IL1F10: variants seen among roughly 807,000 people sequenced by gnomAD.
The protein encoded by IL1F10 is interleukin-1 family member 10.
A neutral mutation model predicts 13.1 loss-of-function variants in IL1F10; 13 were observed. That is an observed-to-expected ratio of 0.99 (90% CI 0.64 to 1.57). The LOEUF is 1.57. IL1F10 is among the 40% of genes most tolerant of loss of function. The probability of loss-of-function intolerance (pLI) is 0.00; values close to 1 mark genes in which losing one functional copy is unlikely to be tolerated. For synonymous variants in IL1F10, 78 were observed against 68.2 expected (o/e 1.14, Z -0.71); for missense variants, 191 against 184.1 (o/e 1.04, Z -0.22).
In IL1F10 at chr2:113,074,835, T is replaced by C; in HGVS notation, c.231T>C (p.Pro77=). 2 of 1,612,346 alleles carry C rather than the reference T, an allele frequency of 1.2e-6. No individual in the cohort carries two copies. Among genetic ancestry groups the C allele is most frequent in the Non-Finnish European group, 1.7e-6 (2 of 1,179,902 alleles). Residue 77 remains proline (P), a synonymous_variant, in exon 4 of 5, where the codon CCT becomes CCC. Transcript: ENST00000341010. ...CLACVETEEG[P]SLQLEDVNIE... is the part of the protein sequence containing the mutation. ...CATGTGTGGAGACAGAAGAGGGGCC[T>C]TCCCTACAGCTGGAGGTGAGAGGCC...
chr2:113,069,168 G>T (rs192542144), intron 1 of IL1F10, among the ~76,000 whole-genome samples: 1 of 152,336 alleles, frequency 6.6e-6, no homozygotes, highest in Admixed American at 6.5e-5. Flanking sequence ...GAGAAGATAA[G>T]AAAGGAATTA....
rs201986456 is a variant in IL1F10 at position 113,074,321 on chromosome 2, T to G, written c.33-8T>G. The G allele has an allele frequency of 6.3e-7, 1 of 1,593,578 alleles. No homozygotes were observed. The highest frequency in any genetic ancestry group is 1.1e-5 in the South Asian group (1 of 90,578). ...GAATGGGCCATCAGCACTGTCATACTGTTTCAGAATTAAATATGCAGACCA... is the reference window on the plus strand; with the variant it reads ...GAATGGGCCATCAGCACTGTCATACGGTTTCAGAATTAAATATGCAGACCA... On this transcript the variant is annotated splice_region_variant and splice_polypyrimidine_tract_variant and intron_variant, in intron 2 of 4. Transcript: ENST00000341010.
At chr2:113,072,339 C>A in intron 1 of IL1F10, 1 of 169,290 alleles carries the variant, frequency 5.9e-6, no homozygotes, top group Non-Finnish European at 1.3e-5. Context: ...TGGGTTTGAG[C>A]TGGGCTTATC....
rs1044242877 is a variant in IL1F10 at position 113,075,500 on chromosome 2, A to T, written c.*136A>T. 3.5e-6 allele frequency: 2 copies of T among 565,966 alleles called. No individual in the cohort carries two copies. Among genetic ancestry groups the T allele is most frequent in the Non-Finnish European group, 5.9e-6 (2 of 339,630 alleles). The allele number at this position is 565,966 out of a possible 1,614,324, so 35.1% of individuals were successfully genotyped here. On this transcript the variant is annotated 3_prime_UTR_variant, in exon 5 of 5. Coordinates refer to ENST00000341010, the MANE Select transcript of IL1F10 (RefSeq NM_173161.3). ...AAGATCTGTGCATATGTTACCATACATGTCCAAAGAGGTTTTGCAAATGTG... is the reference window on the plus strand; with the variant it reads ...AAGATCTGTGCATATGTTACCATACTTGTCCAAAGAGGTTTTGCAAATGTG...
rs143167366 is a variant in IL1F10 at position 113,075,325 on chromosome 2, C to T, written c.420C>T (p.Pro140=). Residue 140 remains proline, a synonymous_variant, in exon 5 of 5, where the codon CCC becomes CCT. Coordinates refer to ENST00000341010, the MANE Select transcript of IL1F10 (RefSeq NM_173161.3). The part of the protein sequence containing the change: ...QPVQLTKESE[P]SARTKFYFEQ... ...TACAGCTCACCAAGGAGAGTGAGCC[C>T]TCAGCCCGTACCAAGTTTTACTTTG... 61 of 1,596,536 alleles carry T rather than the reference C, an allele frequency of 3.8e-5. No individual in the cohort carries two copies. The highest frequency in any genetic ancestry group is 4.5e-5 in the East Asian group (2 of 44,354).
In IL1F10 at chr2:113,074,388, A is replaced by G; in HGVS notation, c.92A>G (p.Asp31Gly). ...YTRDGQLLVG[D>G]PVADNCCAEK... ...AGAGATGGCCAGCTGCTGGTGGGAG[A>G]TCCTGTTGCAGACAACTGCTGTGCA... is the stretch of plus-strand genomic sequence containing the variant. Residue 31 changes from aspartate to glycine, a missense_variant, in exon 3 of 5, where the codon GAT becomes GGT. Transcript: ENST00000341010. 1 of 1,613,822 alleles carries G rather than the reference A, an allele frequency of 6.2e-7. No homozygotes were observed. The highest frequency in any genetic ancestry group is 8.5e-7 in the Non-Finnish European group (1 of 1,179,794).
chr2:113,075,377 C>G lies in IL1F10; in HGVS notation c.*13C>G. 1.3e-6 allele frequency: 2 copies of G among 1,540,666 alleles called. No homozygotes were observed. Among genetic ancestry groups the G allele is most frequent in the Non-Finnish European group, 8.8e-7 (1 of 1,138,390 alleles). On this transcript the variant is annotated 3_prime_UTR_variant, in exon 5 of 5. Transcript: ENST00000341010. ...ACAGAGCTGGTAGGGAGACAGGAAA[C>G]TGCGTTTTAGCCTTGTGCCCCCAAA... is the stretch of plus-strand genomic sequence containing the variant.
intron 4 of IL1F10, 113 bp downstream of exon 4, chr2:113,074,963 T>G: frequency 1.5e-6 from 2 of 1,360,028 alleles, no homozygotes; most frequent in South Asian, 1.3e-5. Context: ...CATGTCCTAC[T>G]TCCTCAGGTT....
intron 2 of IL1F10, among the ~76,000 whole-genome samples, chr2:113,073,376 C>G (rs1263496244): frequency 1.3e-5 from 2 of 152,142 alleles, no homozygotes; most frequent in Admixed American, 1.3e-4. Context: ...TCCCATGGAC[C>G]CTGTAATGTC....
intron 4 of IL1F10, 90 bp from the exon 5 acceptor site, chr2:113,075,062 A>G (rs956141478): frequency 1.1e-5 from 14 of 1,318,486 alleles, no homozygotes; most frequent in East Asian, 2.3e-5. Flanking sequence ...CAGCCCTGTC[A>G]GGTCCTTTTT....
chr2:113,070,191 G>C (rs1050772194), intron 1 of IL1F10, among the ~76,000 whole-genome samples: 6 of 152,124 alleles, frequency 3.9e-5, no homozygotes, highest in Admixed American at 1.3e-4. Flanking sequence ...TGGGGGTGAG[G>C]CATGTGGCAC....
At chr2:113,074,065 C>T (rs1341079585) in intron 2 of IL1F10, among the ~76,000 whole-genome samples, 1 of 152,136 alleles carries the variant, frequency 6.6e-6, no homozygotes, top group Non-Finnish European at 1.5e-5. Flanking sequence ...ATTGGCTCTC[C>T]GTTCTCCTCT....
chr2:113,074,583 C>G, intron 3 of IL1F10, 140 bp from the exon 4 acceptor site: 1 of 1,197,050 alleles, frequency 8.4e-7, no homozygotes. Context: ...TGCAGAAGTC[C>G]TGGCTCACCG....
chr2:113,074,465 T>C (rs1685898254), intron 3 of IL1F10, 51 bp downstream of exon 3: 2 of 1,397,368 alleles, frequency 1.4e-6, no homozygotes, highest in Admixed American at 1.7e-5. Flanking sequence ...AGGCCCTCCC[T>C]TCTCTTCTTC....
chr2:113,072,877 C>G, intron 2 of IL1F10, 107 bp downstream of exon 2: 2 of 922,994 alleles, frequency 2.2e-6, no homozygotes, highest in Non-Finnish European at 3.4e-6. Context: ...TTAGAAATTG[C>G]AAGTGCCCCA....
intron 1 of IL1F10, among the ~76,000 whole-genome samples, chr2:113,071,578 G>T (rs1172671190): frequency 6.6e-6 from 1 of 152,184 alleles, no homozygotes; most frequent in African/African-American, 2.4e-5. Flanking sequence ...CCTGGGGACA[G>T]AAAATGACTT....
At chr2:113,072,987 T>G (rs1243818410) in intron 2 of IL1F10, among the ~76,000 whole-genome samples, 1 of 152,198 alleles carries the variant, frequency 6.6e-6, no homozygotes, top group Non-Finnish European at 1.5e-5. Flanking sequence ...AAAAAGTCTG[T>G]AAGTGGAGTG....
In IL1F10 at chr2:113,074,801, G is replaced by A. The variant is rs776109569; in HGVS notation, c.197G>A (p.Arg66His). The A allele has an allele frequency of 1.9e-5, 31 of 1,613,400 alleles. No individual in the cohort carries two copies. The highest frequency in any genetic ancestry group is 3.3e-5 in the Admixed American group (2 of 60,008). The change falls in exon 4 of 5, where the codon CGC becomes CAC. Residue 66 changes from arginine (R) to histidine (H), a missense_variant. Physicochemically the swap from Arg to His is conservative, Grantham distance 29. Transcript: ENST00000341010. ...PIFLGIQGGS[R>H]CLACVETEEG... ...TTCCTGGGGATCCAGGGAGGGAGCC[G>A]CTGCCTGGCATGTGTGGAGACAGAA...
chr2:113,072,198 C>T (rs1311310056), intron 1 of IL1F10: 1 of 152,692 alleles, frequency 6.5e-6, no homozygotes, highest in African/African-American at 2.4e-5. Flanking sequence ...GGAGACCCCA[C>T]CAGCCTCACT....
Sources: gnomAD v4.1 joint callset for allele counts (sites outside exome capture counted in the v4.1 genomes callset) on GRCh38, gnomAD v4.1.1 for gene constraint, MANE v1.5 for transcripts, NCBI Gene and HGNC (gene_info 2026-07-23, HGNC 2026-07-21) for gene names.